Variants in KCNH7 observed in about 807,000 individuals in gnomAD.
KCNH7 encodes the protein voltage-gated inwardly rectifying potassium channel KCNH7.
Under a neutral mutation model 120.8 loss-of-function variants are expected in KCNH7, and 49 were observed. That is an observed-to-expected ratio of 0.41 (90% CI 0.32 to 0.51). KCNH7 has a LOEUF of 0.51. Among genes scored for constraint, KCNH7 ranks in the 20% least tolerant of loss-of-function variants. KCNH7 has a pLI of 0.38. For synonymous variants in KCNH7, 547 were observed against 516.1 expected, an observed-to-expected ratio of 1.06 and a Z score of -0.81; for missense variants, 1,097 against 1,446.6, an observed-to-expected ratio of 0.76 and a Z score of 3.92.
At chr2:162,442,692 CA>C (rs908854789) in intron 7 of KCNH7, among the ~76,000 whole-genome samples, 2 of 151,736 alleles carry the variant, frequency 1.3e-5, no homozygotes, top group African/African-American at 2.4e-5. Context: ...ACTCTCTCTG[CA>C]AAAAAATATG....
At chr2:162,578,180 A>T (rs1241290224) in intron 2 of KCNH7, among the ~76,000 whole-genome samples, 1 of 152,080 alleles carries the variant, frequency 6.6e-6, no homozygotes, top group African/African-American at 2.4e-5. Flanking sequence ...TGAGAGAGAC[A>T]GTGGGTCCTT....
chr2:162,420,076 C>T (rs1664598730), intron 9 of KCNH7, among the ~76,000 whole-genome samples: 1 of 152,008 alleles, frequency 6.6e-6, no homozygotes, highest in Non-Finnish European at 1.5e-5. Context: ...TGAGATCATA[C>T]TCAAAAAAAC....
At chr2:162,666,656 C>G (rs1180673943) in intron 2 of KCNH7, among the ~76,000 whole-genome samples, 1 of 152,124 alleles carries the variant, frequency 6.6e-6, no homozygotes, top group African/African-American at 2.4e-5. Context: ...TCTACCCTTT[C>G]CTCCTTAAAA....
chr2:162,520,155 CTTT>C (rs397873711), intron 3 of KCNH7, among the ~76,000 whole-genome samples: 3 of 89,890 alleles, frequency 3.3e-5, no homozygotes, highest in African/African-American at 5.0e-5. Flanking sequence ...CAAGCCCAGG[CTTT>C]TTTTTTTTTT....
At chr2:162,729,169 T>C (rs887049898) in intron 2 of KCNH7, among the ~76,000 whole-genome samples, 2 of 146,976 alleles carry the variant, frequency 1.4e-5, no homozygotes, top group Non-Finnish European at 3.0e-5. Context: ...CAAATTTTTT[T>C]TTTTTTTTTT....
At chr2:162,719,969 T>C (rs750019987) in intron 2 of KCNH7, among the ~76,000 whole-genome samples, 8 of 151,982 alleles carry the variant, frequency 5.3e-5, no homozygotes, top group Non-Finnish European at 7.4e-5. Flanking sequence ...CCAAGAAAAG[T>C]CTCCAATCTC....
At chr2:162,553,020 G>T (rs1692730377) in intron 2 of KCNH7, among the ~76,000 whole-genome samples, 1 of 152,140 alleles carries the variant, frequency 6.6e-6, no homozygotes, top group African/African-American at 2.4e-5. Flanking sequence ...CTAATTTGTG[G>T]TATTTTATCA....
chr2:162,521,391 C>T (rs1183696380), intron 3 of KCNH7, among the ~76,000 whole-genome samples: 1 of 151,836 alleles, frequency 6.6e-6, no homozygotes, highest in African/African-American at 2.4e-5. Context: ...TGATATTTAA[C>T]AAAAAATGTT....
chr2:162,792,762 GGTGT>G (rs59397474), intron 2 of KCNH7, among the ~76,000 whole-genome samples: 1,428 of 124,958 alleles, frequency 0.011, 41 homozygotes, highest in African/African-American at 0.039. Flanking sequence ...TCTTTTGAAT[GGTGT>G]GTGTGTGTGT....
At chr2:162,554,905 A>G (rs747713181) in intron 2 of KCNH7, among the ~76,000 whole-genome samples, 1 of 152,198 alleles carries the variant, frequency 6.6e-6, no homozygotes, top group Non-Finnish European at 1.5e-5. Context: ...TATTCAGCCT[A>G]CCACATGGAA....
intron 11 of KCNH7, among the ~76,000 whole-genome samples, chr2:162,394,929 C>A (rs1421560896): frequency 6.6e-6 from 1 of 151,794 alleles, no homozygotes; most frequent in Non-Finnish European, 1.5e-5. Flanking sequence ...AACCATTCCT[C>A]TTCCTCCTCC....
At chr2:162,568,064 A>T (rs1022211201) in intron 2 of KCNH7, among the ~76,000 whole-genome samples, 2 of 152,028 alleles carry the variant, frequency 1.3e-5, no homozygotes, top group Non-Finnish European at 1.5e-5. Context: ...AGGAAACTTA[A>T]CAATCATGGT....
rs950843199 is a variant in KCNH7, at chr2:162,430,484, C to T, written c.1954+4714G>A. Among the ~76,000 whole-genome samples, 26 of 151,998 alleles carry T rather than the reference C, an allele frequency of 1.7e-4. 1 individual carries two copies. The highest frequency in any genetic ancestry group is 2.9e-4 in the Non-Finnish European group (20 of 67,968). On this transcript the variant is annotated intron_variant, in intron 8 of 15. Coordinates refer to ENST00000332142, the MANE Select transcript of KCNH7 (RefSeq NM_033272.4). ...ACCTCTGATCTTGTTTTCTTAACTC[C>T]GTAAGACTGCTGGGGTCTGCTTAGG...
In KCNH7 at chr2:162,496,064, T is replaced by C. The variant is rs117114098; in HGVS notation, c.1128+8379A>G. 5.3e-4 allele frequency among the ~76,000 whole-genome samples: 80 copies of C among 152,270 alleles called. 1 individual carries two copies. The East Asian group carries it at 0.015, about 28-fold the overall frequency. ...AAGGCCATTAAACTTCAAATGGCGA[T>C]GCAAATGAAACCATGCATGGATGTG... On this transcript the variant is annotated intron_variant, in intron 6 of 15. Transcript: ENST00000332142.
chr2:162,662,434 G>A (rs575012332), intron 2 of KCNH7, among the ~76,000 whole-genome samples: 1 of 152,186 alleles, frequency 6.6e-6, no homozygotes, highest in South Asian at 2.1e-4. Context: ...AAATAAGCTT[G>A]TTTTAGGCAA....
At chr2:162,562,399 T>G (rs1288247290) in intron 2 of KCNH7, among the ~76,000 whole-genome samples, 1 of 152,088 alleles carries the variant, frequency 6.6e-6, no homozygotes, top group African/African-American at 2.4e-5. Flanking sequence ...CTTCTGTCTG[T>G]GTATATGCCA....
intron 9 of KCNH7, among the ~76,000 whole-genome samples, chr2:162,418,809 C>T (rs1330870306): frequency 1.3e-5 from 2 of 152,080 alleles, no homozygotes; most frequent in Non-Finnish European, 2.9e-5. Context: ...ACATCAGCCC[C>T]AAGCAATATA....
At chr2:162,768,048 G>T (rs549631210) in intron 2 of KCNH7, among the ~76,000 whole-genome samples, 1 of 152,152 alleles carries the variant, frequency 6.6e-6, no homozygotes, top group Non-Finnish European at 1.5e-5. Context: ...GAAATAAATT[G>T]ATTTGTGTTA....
At chr2:162,505,130 C>T (rs1324425579) in intron 5 of KCNH7, among the ~76,000 whole-genome samples, 2 of 151,906 alleles carry the variant, frequency 1.3e-5, no homozygotes, top group Non-Finnish European at 2.9e-5. Flanking sequence ...TGAGGAGTGA[C>T]AAGCCATCTA....
Sources: gnomAD v4.1 joint callset for allele counts (sites outside exome capture counted in the v4.1 genomes callset) on GRCh38, gnomAD v4.1.1 for gene constraint, MANE v1.5 for transcripts, NCBI Gene and HGNC (gene_info 2026-07-23, HGNC 2026-07-21) for gene names.